Variants in SH3RF1 observed in about 807,000 individuals in gnomAD.
SH3RF1 encodes the protein E3 ubiquitin-protein ligase SH3RF1.
Under a neutral mutation model 74.0 loss-of-function variants are expected in SH3RF1, and 32 were observed. That is an observed-to-expected ratio of 0.43 (90% CI 0.33 to 0.58). The LOEUF (loss-of-function observed/expected upper bound fraction) is 0.58, where lower values mean the gene tolerates loss of function less well. Ranked by LOEUF, SH3RF1 falls within the 20% of genes least tolerant of loss-of-function variation. The pLI is 0.05. For synonymous variants in SH3RF1, 396 were observed against 439.6 expected, an observed-to-expected ratio of 0.90 and a Z score of 1.24; for missense variants, 954 against 1,130.9, an observed-to-expected ratio of 0.84 and a Z score of 2.24.
chr4:169,128,886 T>A (rs1733567045), intron 6 of SH3RF1, among the ~76,000 whole-genome samples: 1 of 152,186 alleles, frequency 6.6e-6, no homozygotes, highest in African/African-American at 2.4e-5. Context: ...CAGGCCCAAC[T>A]TGCAACAGCC....
chr4:169,267,659 T>C (rs1731374713), intron 2 of SH3RF1, among the ~76,000 whole-genome samples: 1 of 152,328 alleles, frequency 6.6e-6, no homozygotes, highest in South Asian at 2.1e-4. Flanking sequence ...AAATGGTCTA[T>C]ATACTTAAAT....
At chr4:169,254,169 T>C (rs563835412) in intron 2 of SH3RF1, among the ~76,000 whole-genome samples, 13 of 152,348 alleles carry the variant, frequency 8.5e-5, no homozygotes, top group Non-Finnish European at 1.5e-5. Context: ...TGTGAATGTG[T>C]TCCGATGGAC....
chr4:169,244,642 A>G (rs1730964492), intron 2 of SH3RF1, among the ~76,000 whole-genome samples: 2 of 152,244 alleles, frequency 1.3e-5, no homozygotes, highest in Non-Finnish European at 1.5e-5. Flanking sequence ...ACCAAAATGT[A>G]GGTAGAAAGA....
chr4:169,213,781 C>G (rs1384449168), intron 2 of SH3RF1, among the ~76,000 whole-genome samples: 1 of 152,212 alleles, frequency 6.6e-6, no homozygotes, highest in African/African-American at 2.4e-5. Context: ...TGTCTTTTCT[C>G]CATTCTATTA....
intron 4 of SH3RF1, among the ~76,000 whole-genome samples, chr4:169,148,007 T>C (rs1158905670): frequency 1.8e-5 from 1 of 56,286 alleles, no homozygotes; most frequent in Non-Finnish European, 3.9e-5. Flanking sequence ...TTTAATTAGT[T>C]TGTGATTTTT....
chr4:169,204,801 G>A (rs1444125437), intron 2 of SH3RF1, among the ~76,000 whole-genome samples: 1 of 151,950 alleles, frequency 6.6e-6, no homozygotes, highest in African/African-American at 2.4e-5. Context: ...CACCCGCCTC[G>A]GCCTCCCAAA....
At chr4:169,161,368 T>C (rs1221863845) in intron 2 of SH3RF1, among the ~76,000 whole-genome samples, 3 of 152,254 alleles carry the variant, frequency 2.0e-5, no homozygotes, top group Non-Finnish European at 4.4e-5. Context: ...TTCCAAATCA[T>C]ACATACAGGT....
intron 2 of SH3RF1, among the ~76,000 whole-genome samples, chr4:169,190,486 T>C (rs762592521): frequency 2.6e-5 from 4 of 152,006 alleles, no homozygotes; most frequent in Non-Finnish European, 5.9e-5. Flanking sequence ...GATGGATAAA[T>C]TTCTAGAGAG....
chr4:169,228,493 C>T (rs949752932), intron 2 of SH3RF1, among the ~76,000 whole-genome samples: 2 of 152,166 alleles, frequency 1.3e-5, no homozygotes, highest in African/African-American at 4.8e-5. Flanking sequence ...CCATCTTCAA[C>T]AGGAGGTTGA....
chr4:169,140,575 G>T (rs1733767736), intron 4 of SH3RF1, among the ~76,000 whole-genome samples: 1 of 152,098 alleles, frequency 6.6e-6, no homozygotes. Flanking sequence ...GTTATCAGAA[G>T]TATAAATAAA....
At chr4:169,104,350 C>T (rs780875863) in intron 11 of SH3RF1, among the ~76,000 whole-genome samples, 2 of 152,082 alleles carry the variant, frequency 1.3e-5, no homozygotes, top group African/African-American at 2.4e-5. Context: ...AGTAACTGGA[C>T]CAACTCCAGG....
At chr4:169,188,497 GT>G (rs1734647932) in intron 2 of SH3RF1, among the ~76,000 whole-genome samples, 1 of 152,154 alleles carries the variant, frequency 6.6e-6, no homozygotes. Context: ...TATACAGCTT[GT>G]TACTCTAATA....
intron 2 of SH3RF1, among the ~76,000 whole-genome samples, chr4:169,174,540 A>G (rs758438562): frequency 1.3e-5 from 2 of 152,188 alleles, no homozygotes; most frequent in Admixed American, 6.5e-5. Flanking sequence ...GGAATCCAGT[A>G]TCAATCTCCT....
chr4:169,108,565 T>C (rs1451424244), intron 10 of SH3RF1, among the ~76,000 whole-genome samples: 1 of 152,200 alleles, frequency 6.6e-6, no homozygotes, highest in Admixed American at 6.5e-5. Context: ...AGGTCATTTC[T>C]GTACTTGCTT....
Position 169,134,801 on chromosome 4 carries a change from A to G in SH3RF1, c.1068+1517T>C, listed in dbSNP as rs138698443. ...AGTGACTCATTCATCCAACAAATACATGTTGAGTGCTTTCTGCATGTCTTA... is the reference window on the plus strand; with the variant it reads ...AGTGACTCATTCATCCAACAAATACGTGTTGAGTGCTTTCTGCATGTCTTA... On this transcript the variant is annotated intron_variant, in intron 5 of 11. Transcript: ENST00000284637. Among the ~76,000 whole-genome samples the G allele has an allele frequency of 2.3e-4, 35 of 152,340 alleles. No homozygotes were observed. The East Asian group carries it at 6.2e-3, about 27-fold the overall frequency.
chr4:169,241,826 G>A (rs573155215), intron 2 of SH3RF1, among the ~76,000 whole-genome samples: 61 of 152,246 alleles, frequency 4.0e-4, no homozygotes, highest in African/African-American at 1.3e-3. Context: ...TCAGATGCTC[G>A]GTAAAGTCAA....
intron 11 of SH3RF1, among the ~76,000 whole-genome samples, chr4:169,100,371 C>T (rs372682166): frequency 3.3e-5 from 5 of 152,004 alleles, no homozygotes; most frequent in African/African-American, 1.2e-4. Context: ...GACTGAGTTT[C>T]GCTCTTGTCA....
chr4:169,174,596 C>G (rs1734387939), intron 2 of SH3RF1, among the ~76,000 whole-genome samples: 1 of 152,170 alleles, frequency 6.6e-6, no homozygotes, highest in African/African-American at 2.4e-5. Flanking sequence ...GCTCCATCTT[C>G]TGACATTTGC....
chr4:169,225,865 G>A (rs1012847900), intron 2 of SH3RF1, among the ~76,000 whole-genome samples: 25 of 152,184 alleles, frequency 1.6e-4, no homozygotes, highest in African/African-American at 5.8e-4. Context: ...ACCCACCAAC[G>A]ACAAGAAAAC....
Sources: allele counts gnomAD v4.1 joint callset (sites outside exome capture counted in the v4.1 genomes callset), GRCh38; gene constraint gnomAD v4.1.1; transcripts MANE v1.5; gene names NCBI Gene and HGNC (gene_info 2026-07-23, HGNC 2026-07-21).